Variants in MSR1 observed in about 807,000 individuals in gnomAD.
MSR1 encodes the protein macrophage scavenger receptor 1, also known as macrophage scavenger receptor types I and II.
A neutral mutation model predicts 47.2 loss-of-function variants in MSR1; 53 were observed. The ratio of observed to expected loss-of-function variants is 1.12; its 90% CI spans 0.90 to 1.41. The LOEUF (loss-of-function observed/expected upper bound fraction) is 1.41, where lower values mean the gene tolerates loss of function less well. Ranked by LOEUF, MSR1 falls within the 40% of genes most tolerant of loss-of-function variation. The pLI is 0.00. For synonymous variants in MSR1, 239 were observed against 185.6 expected (o/e 1.29, Z -2.34); for missense variants, 786 against 546.9 (o/e 1.44, Z -4.36).
At chr8:16,140,408 G>T (rs1053366011) in intron 8 of MSR1, 4 of 985,222 alleles carry the variant, frequency 4.1e-6, no homozygotes, top group Non-Finnish European at 4.8e-6. Flanking sequence ...AAAACAAATG[G>T]ATTTTTCCTA....
At chr8:16,153,223 G>C (rs17484315) in intron 6 of MSR1, among the ~76,000 whole-genome samples, 4,988 of 152,056 alleles carry the variant, frequency 0.033, 129 homozygotes, top group Non-Finnish European at 0.049. Context: ...AGCAGAATTA[G>C]TATGATTGTC....
chr8:16,131,762 T>C (rs2117085813), intron 8 of MSR1, among the ~76,000 whole-genome samples: 1 of 152,196 alleles, frequency 6.6e-6, no homozygotes, highest in South Asian at 2.1e-4. Context: ...TGCTTGTTTT[T>C]ATCGGCTTTG....
intron 7 of MSR1, among the ~76,000 whole-genome samples, chr8:16,145,535 A>G (rs980468372): frequency 3.9e-5 from 6 of 152,142 alleles, no homozygotes; most frequent in Admixed American, 6.6e-5. Flanking sequence ...CTTGTCTTAG[A>G]TATTTCAGAA....
At chr8:16,145,645 C>T (rs1284388210) in intron 7 of MSR1, among the ~76,000 whole-genome samples, 1 of 151,886 alleles carries the variant, frequency 6.6e-6, no homozygotes, top group Non-Finnish European at 1.5e-5. Flanking sequence ...TTTTATTTTG[C>T]CTTTGTTCTT....
intron 1 of MSR1, among the ~76,000 whole-genome samples, chr8:16,189,080 A>G (rs1802087895): frequency 6.9e-6 from 1 of 145,538 alleles, no homozygotes; most frequent in Admixed American, 6.9e-5. Flanking sequence ...CATATATTTC[A>G]TATATACGCA....
chr8:16,136,612 C>A (rs1419411822), intron 8 of MSR1, among the ~76,000 whole-genome samples: 3 of 151,934 alleles, frequency 2.0e-5, no homozygotes, highest in African/African-American at 7.2e-5. Flanking sequence ...TGGAATGCTG[C>A]ATTTTTTTTG....
chr8:16,126,758 C>T (rs1904575), intron 8 of MSR1, among the ~76,000 whole-genome samples: 119,513 of 152,086 alleles, frequency 0.79, 50,189 homozygotes, highest in East Asian at 1. Context: ...GATTTCACCA[C>T]GTAGCCTAGG....
chr8:16,174,652 T>C (rs1280823941), intron 3 of MSR1, among the ~76,000 whole-genome samples: 1 of 152,142 alleles, frequency 6.6e-6, no homozygotes, highest in African/African-American at 2.4e-5. Flanking sequence ...AAAAATGTGG[T>C]CATATAAGCT....
At chr8:16,119,445 C>T (rs1585134828) in intron 9 of MSR1, among the ~76,000 whole-genome samples, 1 of 151,956 alleles carries the variant, frequency 6.6e-6, no homozygotes, top group African/African-American at 2.4e-5. Flanking sequence ...AGGCTGATCT[C>T]GAACTCCTGA....
intron 9 of MSR1, among the ~76,000 whole-genome samples, chr8:16,117,582 AT>A (rs1799905267): frequency 6.6e-6 from 1 of 152,150 alleles, no homozygotes. Context: ...ATTTCCATAC[AT>A]TCTGGATTAA....
intron 8 of MSR1, chr8:16,140,540 G>A: frequency 9.9e-7 from 1 of 1,010,304 alleles, no homozygotes; most frequent in Non-Finnish European, 1.2e-6. Context: ...AGATATTTAG[G>A]ACAGAGCCTC....
At chr8:16,187,807 G>A (rs185731489) in intron 1 of MSR1, among the ~76,000 whole-genome samples, 6 of 152,152 alleles carry the variant, frequency 3.9e-5, no homozygotes, top group East Asian at 1.9e-4. Flanking sequence ...TGCACTGCAC[G>A]TAACTAGCAA....
intron 8 of MSR1, among the ~76,000 whole-genome samples, chr8:16,141,707 T>C (rs1290435443): frequency 1.3e-5 from 2 of 152,014 alleles, no homozygotes; most frequent in Non-Finnish European, 2.9e-5. Context: ...AACTCCAAAA[T>C]AGCCATGAAA....
At chr8:16,176,685 C>G (rs1190278430) in intron 2 of MSR1, among the ~76,000 whole-genome samples, 1 of 152,144 alleles carries the variant, frequency 6.6e-6, no homozygotes, top group Admixed American at 6.5e-5. Context: ...AATGTAAATT[C>G]TACCTTTTAA....
intron 1 of MSR1, among the ~76,000 whole-genome samples, chr8:16,181,035 T>C (rs573299879): frequency 1.3e-5 from 2 of 152,280 alleles, no homozygotes; most frequent in African/African-American, 4.8e-5. Flanking sequence ...ATTATTTAGA[T>C]CCACACTCTT....
intron 2 of MSR1, among the ~76,000 whole-genome samples, chr8:16,176,744 C>T (rs1359618344): frequency 6.6e-6 from 1 of 152,108 alleles, no homozygotes; most frequent in Non-Finnish European, 1.5e-5. Flanking sequence ...CGATGTCTCT[C>T]TCCTCCTTCT....
At chr8:16,132,956 T>C (rs1179282919) in intron 8 of MSR1, among the ~76,000 whole-genome samples, 4 of 152,144 alleles carry the variant, frequency 2.6e-5, no homozygotes, top group Non-Finnish European at 4.4e-5. Flanking sequence ...CAACACCTAC[T>C]GCATTGAGAG....
chr8:16,156,384 A>C (rs531816357), intron 5 of MSR1, among the ~76,000 whole-genome samples: 2 of 151,994 alleles, frequency 1.3e-5, no homozygotes, highest in South Asian at 4.1e-4. Context: ...TTATCTCATG[A>C]ATAAGTATAT....
intron 1 of MSR1, among the ~76,000 whole-genome samples, chr8:16,189,161 A>G (rs1172894715): frequency 4.9e-5 from 7 of 143,698 alleles, no homozygotes; most frequent in Non-Finnish European, 1.1e-4. Flanking sequence ...TATACGTAAA[A>G]CCTTATTTTA....
Sources: gnomAD v4.1 joint callset for allele counts (sites outside exome capture counted in the v4.1 genomes callset) on GRCh38, gnomAD v4.1.1 for gene constraint, MANE v1.5 for transcripts, NCBI Gene and HGNC (gene_info 2026-07-23, HGNC 2026-07-21) for gene names.